The following ZNF679 variants were observed in gnomAD, a reference collection of about 807,000 sequenced individuals.
The protein encoded by ZNF679 is zinc finger protein 679, also known as hypothetical protein MGC42415.
ZNF679 carries 10 observed loss-of-function variants against 13.4 expected under a neutral mutation model. The ratio of observed to expected loss-of-function variants is 0.75; its 90% CI spans 0.46 to 1.27. The LOEUF is 1.27. Ranked by LOEUF, ZNF679 falls within the 50% of genes most tolerant of loss-of-function variation. The pLI is 0.00. For synonymous variants in ZNF679, 179 were observed against 162.5 expected, an observed-to-expected ratio of 1.10 and a Z score of -0.77; for missense variants, 525 against 477.8, an observed-to-expected ratio of 1.10 and a Z score of -0.92.
At chr7:64,256,660 T>A (rs1317838807) in intron 2 of ZNF679, among the ~76,000 whole-genome samples, 3 of 151,958 alleles carry the variant, frequency 2.0e-5, no homozygotes, top group African/African-American at 7.2e-5. Flanking sequence ...TCTATCATAT[T>A]AATTTTTTCA....
At chr7:64,261,565 A>G (rs1305505271) in intron 4 of ZNF679, among the ~76,000 whole-genome samples, 2 of 152,232 alleles carry the variant, frequency 1.3e-5, no homozygotes, top group Middle Eastern at 3.4e-3. Flanking sequence ...GCTGTATTGT[A>G]TAATTTCATT....
chr7:64,250,436 A>C (rs1787931652), intron 2 of ZNF679, among the ~76,000 whole-genome samples: 1 of 150,902 alleles, frequency 6.6e-6, no homozygotes, highest in Non-Finnish European at 1.5e-5. Flanking sequence ...CGCCCGGCTA[A>C]TTTTTGTATT....
At chr7:64,231,659 A>G (rs1009430020) in intron 1 of ZNF679, among the ~76,000 whole-genome samples, 10 of 152,124 alleles carry the variant, frequency 6.6e-5, no homozygotes, top group Middle Eastern at 3.2e-3. Context: ...AATGCCTTCT[A>G]TAAGTTGAGC....
At chr7:64,261,239 A>T (rs370434447) in intron 4 of ZNF679, among the ~76,000 whole-genome samples, 8 of 151,334 alleles carry the variant, frequency 5.3e-5, no homozygotes, top group South Asian at 4.2e-4. Flanking sequence ...ATATCTGCAT[A>T]TTTTTGAGAA....
chr7:64,258,968 A>G (rs1053729150), intron 2 of ZNF679, among the ~76,000 whole-genome samples: 5 of 151,828 alleles, frequency 3.3e-5, no homozygotes, highest in African/African-American at 4.8e-5. Context: ...CTGGAGTGAA[A>G]TGGCACAATC....
chr7:64,253,474 A>G (rs1787967267), intron 2 of ZNF679, among the ~76,000 whole-genome samples: 1 of 152,214 alleles, frequency 6.6e-6, no homozygotes, highest in East Asian at 1.9e-4. Flanking sequence ...AGCCCAGGAA[A>G]GCTGGGGACC....
At chr7:64,239,459 A>T (rs945852814) in intron 1 of ZNF679, among the ~76,000 whole-genome samples, 1 of 152,168 alleles carries the variant, frequency 6.6e-6, no homozygotes, top group Admixed American at 6.5e-5. Flanking sequence ...TAACTGTGAC[A>T]TGCACTTCTA....
rs1257888606 is a variant in ZNF679 at position 64,260,322 on chromosome 7, G to A, written c.141G>A (p.Glu47=). ...QQNLYRDVML[E]NYRNLVSLGI... Reference sequence around the variant, plus strand: ...ATTTATATAGAGATGTGATGTTAGAGAACTACAGAAACCTGGTCTCCCTGG... The same window carrying A: ...ATTTATATAGAGATGTGATGTTAGAAAACTACAGAAACCTGGTCTCCCTGG... Residue 47 remains glutamate, a synonymous_variant, in exon 3 of 5, where the codon GAG becomes GAA. Transcript: ENST00000421025. 1.2e-6 allele frequency: 2 copies of A among 1,611,384 alleles called. No homozygotes were observed. Among genetic ancestry groups the A allele is most frequent in the South Asian group, 1.1e-5 (1 of 90,454 alleles).
chr7:64,257,845 T>A (rs1562846367), intron 2 of ZNF679, among the ~76,000 whole-genome samples: 1 of 152,254 alleles, frequency 6.6e-6, no homozygotes, highest in Non-Finnish European at 1.5e-5. Flanking sequence ...ATAATGTGTC[T>A]GGGAAAGCAC....
chr7:64,256,909 G>C (rs986126328), intron 2 of ZNF679, among the ~76,000 whole-genome samples: 5 of 152,056 alleles, frequency 3.3e-5, no homozygotes, highest in African/African-American at 1.2e-4. Context: ...TGTTAGCCAG[G>C]CTGGTCTTGA....
chr7:64,261,395 T>G (rs539241172), intron 4 of ZNF679, among the ~76,000 whole-genome samples: 5 of 152,200 alleles, frequency 3.3e-5, no homozygotes, highest in Non-Finnish European at 7.4e-5. Flanking sequence ...TAGTTTAAGG[T>G]TTTTTTACAA....
chr7:64,247,475 T>A (rs944042021), intron 1 of ZNF679, among the ~76,000 whole-genome samples: 3 of 152,264 alleles, frequency 2.0e-5, no homozygotes, highest in Non-Finnish European at 4.4e-5. Context: ...TATTAACCCT[T>A]ACATACTAAT....
At chr7:64,246,606 C>T (rs1044179590) in intron 1 of ZNF679, among the ~76,000 whole-genome samples, 1 of 151,932 alleles carries the variant, frequency 6.6e-6, no homozygotes, top group Admixed American at 6.6e-5. Flanking sequence ...ACCTGTAATC[C>T]CGGCTCCTCC....
chr7:64,249,567 T>C (rs1413143882), intron 2 of ZNF679, among the ~76,000 whole-genome samples: 2 of 152,178 alleles, frequency 1.3e-5, no homozygotes, highest in African/African-American at 4.8e-5. Context: ...GGAGTCACTG[T>C]AAAAATATTA....
chr7:64,244,004 CA>C (rs1787834307), intron 1 of ZNF679, among the ~76,000 whole-genome samples: 1 of 152,144 alleles, frequency 6.6e-6, no homozygotes, highest in Non-Finnish European at 1.5e-5. Context: ...GTAATCCCAG[CA>C]CTTTGGCAGT....
chr7:64,233,044 C>A (rs1374658701), intron 1 of ZNF679, among the ~76,000 whole-genome samples: 6 of 152,106 alleles, frequency 3.9e-5, no homozygotes, highest in Non-Finnish European at 7.4e-5. Flanking sequence ...AGTTCAAGAC[C>A]AGCTGGCCAA....
intron 1 of ZNF679, among the ~76,000 whole-genome samples, chr7:64,237,885 GA>G (rs1343910567): frequency 2.6e-5 from 4 of 152,024 alleles, no homozygotes; most frequent in Admixed American, 1.3e-4. Flanking sequence ...ATGCCAATTG[GA>G]AAAAAATGTA....
At chr7:64,232,227 G>C (rs1217152578) in intron 1 of ZNF679, among the ~76,000 whole-genome samples, 1 of 152,188 alleles carries the variant, frequency 6.6e-6, no homozygotes, top group Non-Finnish European at 1.5e-5. Context: ...CATGTGTTGA[G>C]GGTGAAAATC....
intron 2 of ZNF679, among the ~76,000 whole-genome samples, chr7:64,255,355 G>T (rs1028837594): frequency 6.6e-6 from 1 of 152,084 alleles, no homozygotes; most frequent in East Asian, 1.9e-4. Context: ...CCACCACAGC[G>T]CTTTTGCTTT....
Sources: gnomAD v4.1 joint callset for allele counts (sites outside exome capture counted in the v4.1 genomes callset) on GRCh38, gnomAD v4.1.1 for gene constraint, MANE v1.5 for transcripts, NCBI Gene and HGNC (gene_info 2026-07-23, HGNC 2026-07-21) for gene names.